CANT1: variants seen among roughly 807,000 people sequenced by gnomAD.
CANT1 encodes the protein soluble calcium-activated nucleotidase 1.
Under a neutral mutation model 30.0 loss-of-function variants are expected in CANT1, and 26 were observed. The ratio of observed to expected loss-of-function variants is 0.87; its 90% CI spans 0.64 to 1.20. The LOEUF (loss-of-function observed/expected upper bound fraction) is 1.20, where lower values mean the gene tolerates loss of function less well. Ranked by LOEUF, CANT1 falls within the 50% of genes most tolerant of loss-of-function variation. CANT1 has a pLI of 0.00. For synonymous variants in CANT1, 246 were observed against 251.8 expected (o/e 0.98, Z 0.22); for missense variants, 518 against 563.0 (o/e 0.92, Z 0.81).
Position 78,997,570 on chromosome 17 carries a change from A to G in CANT1, c.53T>C (p.Leu18Pro). ...HPEWNESMHSLRISVGGLPVL... is the reference protein window; with the variant it reads ...HPEWNESMHSPRISVGGLPVL... ...AGGAAGGCCCCCCACACTGATCCGG[A>G]GGGAGTGCATAGACTCATTCCATTC... The change falls in exon 3 of 5, where the codon CTC becomes CCC. Residue 18 changes from leucine to proline, a missense_variant. By Grantham distance (98) the Leu-to-Pro change is moderately conservative. Transcript: ENST00000392446. The surrounding 1 kb of genome is among the most constrained non-coding windows in gnomAD (Gnocchi z 7.5). The G allele has an allele frequency of 6.4e-7, 1 of 1,565,462 alleles. No homozygotes were observed.
At position 78,992,116 on chromosome 17, in the gene CANT1, T is replaced by C. The variant is rs546090476; in HGVS notation, c.*1434A>G. The C allele has an allele frequency of 2.2e-5, 5 of 232,376 alleles. No homozygotes were observed. The highest frequency in any genetic ancestry group is 5.6e-5 in the Admixed American group (1 of 17,782). The allele number at this position is 232,376 out of a possible 1,614,324, so 14.4% of individuals were successfully genotyped here. On this transcript the variant is annotated 3_prime_UTR_variant, in exon 5 of 5. Coordinates refer to ENST00000392446, the MANE Select transcript of CANT1 (RefSeq NM_001159773.2). ...TTCAGAAATGCGTCACATTCAGCGTTCACTTCCTTCGCTTCCTCCACTACC... is the reference window on the plus strand; with the variant it reads ...TTCAGAAATGCGTCACATTCAGCGTCCACTTCCTTCGCTTCCTCCACTACC...
At position 78,992,455 on chromosome 17, in the gene CANT1, G is replaced by T. The variant is rs1308956720; in HGVS notation, c.*1095C>A. On this transcript the variant is annotated 3_prime_UTR_variant, in exon 5 of 5. Coordinates refer to ENST00000392446, the MANE Select transcript of CANT1 (RefSeq NM_001159773.2). ...TGCCTTCACCCTGGAGTACACTCCA[G>T]CGAAGCCGAGGCCCAGCCAACGCTC... 5.4e-6 allele frequency: 2 copies of T among 372,710 alleles called. No homozygotes were observed. The highest frequency in any genetic ancestry group is 1.0e-5 in the Non-Finnish European group (2 of 193,264). The allele number at this position is 372,710 out of a possible 1,614,324, so 23.1% of individuals were successfully genotyped here.
intron 1 of CANT1, among the ~76,000 whole-genome samples, chr17:79,003,705 A>G (rs1288238288): frequency 6.6e-6 from 1 of 151,964 alleles, no homozygotes; most frequent in Non-Finnish European, 1.5e-5. Flanking sequence ...CAGCAAAGTC[A>G]TGGGTTCTGT....
In CANT1 at chr17:78,998,119, G is replaced by A. The variant is rs1265982793; in HGVS notation, c.-146-156C>T. On this transcript the variant is annotated intron_variant, in intron 1 of 4. Transcript: ENST00000392446. This position sits in a 1 kb window ranked among gnomAD's most constrained non-coding sequence, Gnocchi z 4.5. ...TGCCCTGCTGCAGACATCACCCTCCGTCCCTGGGTCCTTGGCCCTTGTCCC... is the reference window on the plus strand; with the variant it reads ...TGCCCTGCTGCAGACATCACCCTCCATCCCTGGGTCCTTGGCCCTTGTCCC... 3 of 188,430 alleles carry A rather than the reference G, an allele frequency of 1.6e-5. No homozygotes were observed. Among genetic ancestry groups the A allele is most frequent in the East Asian group, 1.8e-4 (2 of 11,356 alleles). The allele number at this position is 188,430 out of a possible 1,614,324, so 11.7% of individuals were successfully genotyped here.
Position 78,997,513 on chromosome 17 carries a change from G to T in CANT1, c.110C>A (p.Pro37His). Reference sequence around the variant, plus strand: ...CACCTTCCAGCGGGGGCGGAAGCGGGGGTCCGCGGCCTTGGTCATGGACGC... The same window carrying T: ...CACCTTCCAGCGGGGGCGGAAGCGGTGGTCCGCGGCCTTGGTCATGGACGC... ...VLASMTKAAD[P>H]RFRPRWKVIL... Residue 37 changes from proline to histidine, a missense_variant, in exon 3 of 5, where the codon CCC (proline) becomes CAC (histidine). Transcript: ENST00000392446. This position sits in a 1 kb window ranked among gnomAD's most constrained non-coding sequence, Gnocchi z 7.5. 6.4e-7 allele frequency: 1 copy of T among 1,570,982 alleles called. No homozygotes were observed. The highest frequency in any genetic ancestry group is 2.3e-5 in the East Asian group (1 of 44,264).
At chr17:79,006,575 G>A (rs965665492) in intron 1 of CANT1, among the ~76,000 whole-genome samples, 7 of 152,142 alleles carry the variant, frequency 4.6e-5, no homozygotes, top group African/African-American at 7.2e-5. Flanking sequence ...TGGTGTGGGC[G>A]CACAGCTTCA....
intron 1 of CANT1, among the ~76,000 whole-genome samples, chr17:79,000,564 TC>T (rs1169347272): frequency 2.0e-5 from 3 of 150,664 alleles, no homozygotes; most frequent in African/African-American, 7.4e-5. Flanking sequence ...GATGGCACAC[TC>T]CCAGCTTCAG....
chr17:79,005,087 G>A (rs1479632354), intron 1 of CANT1, among the ~76,000 whole-genome samples: 1 of 60,684 alleles, frequency 1.6e-5, no homozygotes, highest in Non-Finnish European at 2.9e-5. Context: ...GTTAGGGAGG[G>A]GAGTTAGGGA....
chr17:78,997,785 T>C lies in CANT1; in HGVS notation c.-23+55A>G. On this transcript the variant is annotated intron_variant, in intron 2 of 4. Transcript: ENST00000392446. The surrounding 1 kb of genome is among the most constrained non-coding windows in gnomAD (Gnocchi z 7.5). ...TACTCTGTGGCCATTCTTACTCCCT[T>C]GGCTTAATGAATTCCCGACTCTAGA... is the stretch of plus-strand genomic sequence containing the variant. 1.6e-6 allele frequency: 1 copy of C among 634,932 alleles called. No individual in the cohort carries two copies. The highest frequency in any genetic ancestry group is 3.6e-5 in the South Asian group (1 of 28,086). 39.3% of individuals were successfully genotyped at this position (634,932 alleles called of 1,614,324 possible). A position where few individuals can be genotyped will look rare whatever the true frequency, so the allele number is the denominator to read the frequency against.
In CANT1 at chr17:78,992,586, TA is replaced by T. The variant is rs1568030044; in HGVS notation, c.*963del. On this transcript the variant is annotated 3_prime_UTR_variant, in exon 5 of 5. Transcript: ENST00000392446. The stretch of plus-strand genomic sequence containing the variant: ...AGAGACAGGCCTCGTTCACAGACCC[TA>T]GGCAGGGAATAAAAAATTCAAGTCA... 2.2e-6 allele frequency: 1 copy of T among 460,944 alleles called. No individual in the cohort carries two copies. Among genetic ancestry groups the T allele is most frequent in the Admixed American group, 2.7e-5 (1 of 37,544 alleles). The allele number at this position is 460,944 out of a possible 1,614,324, so 28.6% of individuals were successfully genotyped here. A position where few individuals can be genotyped will look rare whatever the true frequency, so the allele number is the denominator to read the frequency against.
chr17:79,001,105 C>T (rs2071243279), intron 1 of CANT1, among the ~76,000 whole-genome samples: 1 of 152,334 alleles, frequency 6.6e-6, no homozygotes, highest in South Asian at 2.1e-4. Context: ...ATCTGAGCTG[C>T]AGGCCCGGGA....
chr17:78,996,824 G>T lies in CANT1; in HGVS notation c.631+168C>A. ...TGAAGTGACAGTAGGCTATGCTCCT[G>T]GCTAAGGGTAAGGGGGCCGCAGGTC... is the stretch of plus-strand genomic sequence containing the variant. On this transcript the variant is annotated intron_variant, in intron 3 of 4. Transcript: ENST00000392446. The surrounding 1 kb of genome is among the most constrained non-coding windows in gnomAD (Gnocchi z 5.1). The T allele has an allele frequency of 1.1e-6, 1 of 919,302 alleles. No individual in the cohort carries two copies. The highest frequency in any genetic ancestry group is 1.3e-5 in the South Asian group (1 of 76,540). The allele number at this position is 919,302 out of a possible 1,614,324, so 56.9% of individuals were successfully genotyped here.
rs575323231 is a variant in CANT1 at position 78,991,820 on chromosome 17, G to A, written c.*1730C>T. On this transcript the variant is annotated 3_prime_UTR_variant, in exon 5 of 5. Coordinates refer to ENST00000392446, the MANE Select transcript of CANT1 (RefSeq NM_001159773.2). ...GCGAACAGAGAGGGGAAGAAAAAAG[G>A]TGAGCTTTAAAGTAATCGCAAATCA... The A allele has an allele frequency of 4.4e-6, 1 of 228,148 alleles. No homozygotes were observed. Among genetic ancestry groups the A allele is most frequent in the African/African-American group, 2.2e-5 (1 of 45,154 alleles). 14.1% of individuals were successfully genotyped at this position (228,148 alleles called of 1,614,324 possible). A position where few individuals can be genotyped will look rare whatever the true frequency, so the allele number is the denominator to read the frequency against.
At position 79,002,535 on chromosome 17, in the gene CANT1, C is replaced by T. The variant is rs1002674598; in HGVS notation, c.-146-4572G>A. 7.9e-5 allele frequency among the ~76,000 whole-genome samples: 12 copies of T among 152,132 alleles called. 1 individual carries two copies. The South Asian group carries it at 8.3e-4, about 11-fold the overall frequency. Reference sequence around the variant, plus strand: ...GGTGTGTAGACGCGGCCTGCGTAGACGCGGCCTGCTGTGTAGTCACGTCCT... The same window carrying T: ...GGTGTGTAGACGCGGCCTGCGTAGATGCGGCCTGCTGTGTAGTCACGTCCT... On this transcript the variant is annotated intron_variant, in intron 1 of 4. Transcript: ENST00000392446. This position sits in a 1 kb window ranked among gnomAD's most constrained non-coding sequence, Gnocchi z 4.0.
chr17:78,994,915 G>A, intron 4 of CANT1, 103 bp downstream of exon 4: 1 of 1,221,886 alleles, frequency 8.2e-7, no homozygotes, highest in Non-Finnish European at 1.2e-6. Context: ...GCAAGACTAT[G>A]TCTAAAATAA....
chr17:79,006,734 G>T (rs2071564637), intron 1 of CANT1, among the ~76,000 whole-genome samples: 1 of 152,242 alleles, frequency 6.6e-6, no homozygotes, highest in Non-Finnish European at 1.5e-5. Context: ...CATCTGGGAA[G>T]GTGTCCTTTT....
rs1340275331 is a variant in CANT1 at position 79,008,825 on chromosome 17, G to C, written c.-147+839C>G. ...GTAGGGGTGTGAGACAGGTATGGTG[G>C]GGAGGGCGAATCATTTGCATGCAGG... On this transcript the variant is annotated intron_variant, in intron 1 of 4. Transcript: ENST00000392446. The surrounding 1 kb of genome is among the most constrained non-coding windows in gnomAD (Gnocchi z 4.4). Among the ~76,000 whole-genome samples, 1 of 152,174 alleles carries C rather than the reference G, an allele frequency of 6.6e-6. No individual in the cohort carries two copies. The highest frequency in any genetic ancestry group is 1.5e-5 in the Non-Finnish European group (1 of 68,034).
At chr17:79,006,307 C>T (rs4789849) in intron 1 of CANT1, 30,729 of 152,274 alleles carry the variant, frequency 0.2, 3,523 homozygotes, top group East Asian at 0.4. Flanking sequence ...CATCTCCCTC[C>T]GGCTCTTCTG....
intron 1 of CANT1, among the ~76,000 whole-genome samples, chr17:79,007,134 G>C (rs926495743): frequency 1.3e-5 from 2 of 152,210 alleles, no homozygotes; most frequent in Non-Finnish European, 2.9e-5. Context: ...TGACAAAGAC[G>C]AGCAGGGTCC....
Sources: gnomAD v4.1 joint callset for allele counts (sites outside exome capture counted in the v4.1 genomes callset) on GRCh38, gnomAD v4.1.1 for gene constraint, Gnocchi (gnomAD v3.1) non-coding constraint, MANE v1.5 for transcripts, NCBI Gene and HGNC (gene_info 2026-07-23, HGNC 2026-07-21) for gene names.